HPR: variants seen among roughly 807,000 people sequenced by gnomAD.
HPR encodes haptoglobin-related protein, also known as Haptoglobin-related locus.
HPR carries 17 observed loss-of-function variants against 18.5 expected under a neutral mutation model. The ratio of observed to expected loss-of-function variants is 0.92; its 90% CI spans 0.63 to 1.38. The LOEUF (loss-of-function observed/expected upper bound fraction) is 1.38. Among genes scored for constraint, HPR ranks in the 40% most tolerant of loss-of-function variants. The pLI, the probability that HPR is intolerant of heterozygous loss-of-function variation, is 0.00. For missense variants in HPR, 457 were observed against 432.4 expected (o/e 1.06, Z -0.51); for synonymous variants, 176 against 165.0 (o/e 1.07, Z -0.51).
In HPR at chr16:72,076,600, T is replaced by C. The variant is rs199591333; in HGVS notation, c.566T>C (p.Ile189Thr). 8.6e-5 allele frequency: 139 copies of C among 1,614,156 alleles called. No homozygotes were observed. The African/African-American group carries it at 1.1e-3, about 13-fold the overall frequency. The change falls in exon 5 of 5, where the codon ATT becomes ACT. Residue 189 changes from isoleucine to threonine, a missense_variant. By Grantham distance (89) the Ile-to-Thr change is moderately conservative. Coordinates refer to ENST00000540303, the MANE Select transcript of HPR (RefSeq NM_020995.4). ...VLHPNYHQVDIGLIKLKQKVL... is the reference protein window; with the variant it reads ...VLHPNYHQVDTGLIKLKQKVL... ...CACCCTAACTACCACCAGGTAGATATTGGGCTCATCAAACTCAAACAGAAG... is the reference window on the plus strand; with the variant it reads ...CACCCTAACTACCACCAGGTAGATACTGGGCTCATCAAACTCAAACAGAAG...
At chr16:72,073,644 G>C in intron 1 of HPR, 1 of 1,337,052 alleles carries the variant, frequency 7.5e-7, no homozygotes, top group Non-Finnish European at 9.8e-7. Flanking sequence ...GACAGAGCTT[G>C]CTGGAAGCTT....
intron 4 of HPR, among the ~76,000 whole-genome samples, chr16:72,075,531 A>G (rs1420318681): frequency 6.6e-6 from 1 of 152,228 alleles, no homozygotes; most frequent in Non-Finnish European, 1.5e-5. Context: ...AGCAAGCTCC[A>G]GGGAGAACAA....
intron 2 of HPR, 116 bp downstream of exon 2, chr16:72,074,093 CCT>C (rs2041689453): frequency 1.4e-6 from 2 of 1,440,066 alleles, no homozygotes; most frequent in Non-Finnish European, 1.9e-6. Flanking sequence ...CTTATCCTGA[CCT>C]CTGGGCTTTC....
At chr16:72,074,476 G>A in intron 3 of HPR, 91 bp downstream of exon 3, 1 of 1,149,370 alleles carries the variant, frequency 8.7e-7, no homozygotes, top group East Asian at 2.4e-5. Flanking sequence ...TTGCCAGAAA[G>A]TTCGTTGCTC....
intron 1 of HPR, among the ~76,000 whole-genome samples, chr16:72,067,283 G>C (rs1357047433): frequency 1.3e-5 from 2 of 152,146 alleles, no homozygotes; most frequent in Non-Finnish European, 2.9e-5. Context: ...GGAGCGGCCT[G>C]TTCCTCTGTT....
At chr16:72,065,513 C>T (rs1321944017) in intron 1 of HPR, among the ~76,000 whole-genome samples, 1 of 151,896 alleles carries the variant, frequency 6.6e-6, no homozygotes, top group Non-Finnish European at 1.5e-5. Flanking sequence ...CTTGATAGTC[C>T]CCTAGGTTTC....
chr16:72,069,333 G>A (rs771222523), intron 1 of HPR, among the ~76,000 whole-genome samples: 36 of 152,082 alleles, frequency 2.4e-4, no homozygotes, highest in Non-Finnish European at 5.1e-4. Context: ...CCGTGTACCC[G>A]GGCACCAGAA....
chr16:72,072,897 C>T (rs1160919448), intron 1 of HPR, among the ~76,000 whole-genome samples: 2 of 152,134 alleles, frequency 1.3e-5, no homozygotes, highest in Non-Finnish European at 2.9e-5. Context: ...TTCAAAGGTT[C>T]AGCTTGCTTA....
intron 3 of HPR, 137 bp from the exon 4 acceptor site, chr16:72,075,008 A>G: frequency 7.5e-7 from 1 of 1,324,630 alleles, no homozygotes; most frequent in Non-Finnish European, 1.1e-6. Flanking sequence ...TCCTTCTCGT[A>G]TTCTCTCTCC....
chr16:72,069,215 T>C (rs936491173), intron 1 of HPR, among the ~76,000 whole-genome samples: 5 of 152,124 alleles, frequency 3.3e-5, no homozygotes, highest in African/African-American at 1.2e-4. Flanking sequence ...TTGGAAAAAG[T>C]TGGACTGAAT....
chr16:72,070,327 C>T (rs893570775), intron 1 of HPR, among the ~76,000 whole-genome samples: 2 of 152,198 alleles, frequency 1.3e-5, no homozygotes, highest in African/African-American at 4.8e-5. Context: ...ACTTTCTCTT[C>T]CCTTAAGACT....
chr16:72,070,445 T>C (rs1276167835), intron 1 of HPR, among the ~76,000 whole-genome samples: 2 of 152,258 alleles, frequency 1.3e-5, no homozygotes, highest in African/African-American at 4.8e-5. Context: ...TCAAACCAGC[T>C]TGGGAAGGAC....
chr16:72,073,265 G>A lies in HPR; in HGVS notation c.6-627G>A, dbSNP rs952742857. ...TGTTCGGGGTGCTCTCGTGGCAACC[G>A]AACCTATGAGGAGCAACCTTATGCA... On this transcript the variant is annotated intron_variant, in intron 1 of 4. Transcript: ENST00000540303. Among the ~76,000 whole-genome samples, 3 of 152,182 alleles carry A rather than the reference G, an allele frequency of 2.0e-5. 1 individual carries two copies. The highest frequency in any genetic ancestry group is 3.9e-4 in the East Asian group (2 of 5,182).
At chr16:72,068,951 T>C (rs1389192859) in intron 1 of HPR, among the ~76,000 whole-genome samples, 3 of 152,098 alleles carry the variant, frequency 2.0e-5, no homozygotes, top group Non-Finnish European at 4.4e-5. Context: ...CTAGGAAAGA[T>C]CCCTTTCAAA....
chr16:72,073,820 G>C, intron 1 of HPR, 72 bp from the exon 2 acceptor site: 1 of 1,609,996 alleles, frequency 6.2e-7, no homozygotes, highest in Admixed American at 1.7e-5. Flanking sequence ...ACATGCCTGT[G>C]TGTGTGGATG....
At chr16:72,068,912 T>C (rs540068627) in intron 1 of HPR, among the ~76,000 whole-genome samples, 37 of 152,260 alleles carry the variant, frequency 2.4e-4, no homozygotes, top group Admixed American at 1.6e-3. Flanking sequence ...CTAGATTTAA[T>C]TGACTACCAA....
At chr16:72,063,513 A>G (rs140307595) in intron 1 of HPR, among the ~76,000 whole-genome samples, 74 of 152,196 alleles carry the variant, frequency 4.9e-4, no homozygotes, top group Non-Finnish European at 8.8e-4. Context: ...TTGTCTTTGT[A>G]GGGTATGTCA....
intron 1 of HPR, among the ~76,000 whole-genome samples, chr16:72,070,492 G>A (rs544038026): frequency 1.8e-4 from 27 of 152,146 alleles, no homozygotes; most frequent in Non-Finnish European, 3.8e-4. Flanking sequence ...ACTGCAGTCC[G>A]AACAGCAGAA....
intron 1 of HPR, among the ~76,000 whole-genome samples, chr16:72,068,045 G>A (rs985497138): frequency 6.6e-6 from 1 of 152,180 alleles, no homozygotes; most frequent in African/African-American, 2.4e-5. Context: ...TCTTGCCTCA[G>A]GGGTTCATGG....
Sources: allele counts gnomAD v4.1 joint callset (sites outside exome capture counted in the v4.1 genomes callset), GRCh38; gene constraint gnomAD v4.1.1; transcripts MANE v1.5; gene names NCBI Gene and HGNC (gene_info 2026-07-23, HGNC 2026-07-21).